PCDHA4: variants seen among roughly 807,000 people sequenced by gnomAD.
PCDHA4 encodes the protein protocadherin alpha-4.
PCDHA4 carries 49 observed loss-of-function variants against 61.4 expected under a neutral mutation model. The observed-to-expected ratio is 0.80, with a 90% CI of 0.63 to 1.01. The LOEUF (loss-of-function observed/expected upper bound fraction) is 1.01, where lower values mean the gene tolerates loss of function less well. PCDHA4 is among the 50% of genes least tolerant of loss of function. The pLI is 0.00. For synonymous variants in PCDHA4, 590 were observed against 550.3 expected, an observed-to-expected ratio of 1.07 and a Z score of -1.01; for missense variants, 1,254 against 1,235.8, an observed-to-expected ratio of 1.01 and a Z score of -0.22.
chr5:140,934,000 A>G (rs2089557025), intron 1 of PCDHA4, among the ~76,000 whole-genome samples: 1 of 151,350 alleles, frequency 6.6e-6, no homozygotes, highest in Non-Finnish European at 1.5e-5. Context: ...GTCACCTCTC[A>G]TTTTTCTTGA....
intron 1 of PCDHA4, chr5:140,875,865 G>A (rs782211791): frequency 6.2e-7 from 1 of 1,614,160 alleles, no homozygotes; most frequent in Non-Finnish European, 8.5e-7. Context: ...ACAACCCGCC[G>A]GTGTTCAGAG....
At chr5:140,814,317 A>C (rs1554126480) in intron 1 of PCDHA4, 1 of 152,002 alleles carries the variant, frequency 6.6e-6, no homozygotes, top group Non-Finnish European at 1.5e-5. Context: ...TTCCACCTCC[A>C]TATCTTGTCC....
At chr5:140,955,207 G>A (rs2153705473) in intron 1 of PCDHA4, among the ~76,000 whole-genome samples, 1 of 152,290 alleles carries the variant, frequency 6.6e-6, no homozygotes, top group South Asian at 2.1e-4. Context: ...CAATCAAGTA[G>A]CATGATGCCT....
At chr5:140,941,219 C>CTTTCTTTCTT (rs1563186292) in intron 1 of PCDHA4, among the ~76,000 whole-genome samples, 18 of 125,974 alleles carry the variant, frequency 1.4e-4, no homozygotes, top group African/African-American at 4.5e-4. Context: ...TTCTTCCTTT[C>CTTTCTTTCTT]TTTCTTTCTT....
intron 1 of PCDHA4, among the ~76,000 whole-genome samples, chr5:140,885,299 G>A (rs904206700): frequency 3.9e-5 from 6 of 152,042 alleles, no homozygotes; most frequent in African/African-American, 1.4e-4. Context: ...GAGAGACCTG[G>A]TAGGCTTTTT....
intron 3 of PCDHA4, among the ~76,000 whole-genome samples, chr5:140,983,854 T>A (rs1554245766): frequency 6.6e-6 from 1 of 152,206 alleles, no homozygotes; most frequent in Non-Finnish European, 1.5e-5. Flanking sequence ...TTAAGTAACA[T>A]GCAGCTAAGG....
chr5:140,968,083 G>A (rs1298667830), intron 1 of PCDHA4: 1 of 1,614,006 alleles, frequency 6.2e-7, no homozygotes, highest in Non-Finnish European at 8.5e-7. Flanking sequence ...ACATCACGGT[G>A]ACAGCCACAG....
chr5:140,819,845 C>G (rs1413889296), intron 1 of PCDHA4, among the ~76,000 whole-genome samples: 1 of 151,922 alleles, frequency 6.6e-6, no homozygotes, highest in Non-Finnish European at 1.5e-5. Flanking sequence ...GACTTTTTCT[C>G]CATTGAGTAT....
At chr5:140,848,246 A>G (rs1781398365) in intron 1 of PCDHA4, 1 of 453,054 alleles carries the variant, frequency 2.2e-6, no homozygotes, top group African/African-American at 2.0e-5. Context: ...GTTTTGCAGA[A>G]TAACTGTGAA....
intron 1 of PCDHA4, chr5:140,862,689 C>A: frequency 7.2e-6 from 4 of 554,298 alleles, no homozygotes; most frequent in South Asian, 4.1e-5. Context: ...TGGTGTCCTA[C>A]TCGTTGATGG....
At chr5:140,929,298 A>G (rs1554206937) in intron 1 of PCDHA4, 26 of 1,591,722 alleles carry the variant, frequency 1.6e-5, no homozygotes, top group Non-Finnish European at 2.1e-5. Context: ...GGAATAGGAA[A>G]GGGGATCACG....
intron 3 of PCDHA4, 128 bp downstream of exon 3, chr5:140,982,691 C>T: frequency 7.1e-7 from 1 of 1,408,152 alleles, no homozygotes; most frequent in Non-Finnish European, 9.3e-7. Context: ...TTTTTCCATA[C>T]ATACATGATT....
chr5:140,974,309 TGA>T (rs1190034770), intron 1 of PCDHA4, among the ~76,000 whole-genome samples: 4 of 152,212 alleles, frequency 2.6e-5, no homozygotes, highest in South Asian at 4.1e-4. Context: ...CAACTGTGAG[TGA>T]GAGAGTAGCT....
At chr5:140,869,188 G>A (rs200563745) in intron 1 of PCDHA4, 5 of 1,613,828 alleles carry the variant, frequency 3.1e-6, no homozygotes, top group African/African-American at 2.7e-5. Context: ...GGTGGGGAGC[G>A]GCCAGCTCCA....
chr5:140,900,370 T>G (rs983806569), intron 1 of PCDHA4, among the ~76,000 whole-genome samples: 18 of 152,236 alleles, frequency 1.2e-4, no homozygotes, highest in African/African-American at 4.1e-4. Context: ...CTCTGCCTCC[T>G]GGGTTCAAGC....
At chr5:140,820,923 T>A (rs1330158665) in intron 1 of PCDHA4, among the ~76,000 whole-genome samples, 1 of 152,092 alleles carries the variant, frequency 6.6e-6, no homozygotes, top group Non-Finnish European at 1.5e-5. Context: ...TGCTTTTGAT[T>A]TCTAGAAAGC....
intron 1 of PCDHA4, among the ~76,000 whole-genome samples, chr5:140,840,706 G>A (rs1262374408): frequency 6.6e-6 from 1 of 151,968 alleles, no homozygotes; most frequent in African/African-American, 2.4e-5. Flanking sequence ...CAGGCAATTT[G>A]ACATTTATTG....
chr5:140,844,883 C>T (rs932765025), intron 1 of PCDHA4, among the ~76,000 whole-genome samples: 1 of 149,278 alleles, frequency 6.7e-6, no homozygotes, highest in African/African-American at 2.5e-5. Flanking sequence ...CATTAGACTT[C>T]GTGCATATTG....
chr5:140,869,005 G>C, intron 1 of PCDHA4: 1 of 1,521,546 alleles, frequency 6.6e-7, no homozygotes, highest in Non-Finnish European at 8.8e-7. Context: ...AGGATCCTTT[G>C]AAACTTCTTA....
Sources: allele counts gnomAD v4.1 joint callset (sites outside exome capture counted in the v4.1 genomes callset), GRCh38; gene constraint gnomAD v4.1.1; transcripts MANE v1.5; gene names NCBI Gene and HGNC (gene_info 2026-07-23, HGNC 2026-07-21).